The following ADCY2 variants were observed in gnomAD, a reference collection of about 807,000 sequenced individuals.
ADCY2 encodes adenylate cyclase 2, also known as adenylate cyclase type 2.
In ADCY2, 31 loss-of-function variants were observed where a neutral mutation model predicts 125.2. That is an observed-to-expected ratio of 0.25 (90% CI 0.19 to 0.33). The LOEUF is 0.33. Among genes scored for constraint, ADCY2 ranks in the 10% least tolerant of loss-of-function variants. The pLI is 1.00. For missense variants in ADCY2, 904 were observed against 1,418.2 expected (o/e 0.64, Z 5.82); for synonymous variants, 512 against 548.4 (o/e 0.93, Z 0.93).
intron 3 of ADCY2, among the ~76,000 whole-genome samples, chr5:7,541,243 C>G (rs910577209): frequency 1.3e-5 from 2 of 152,158 alleles, no homozygotes; most frequent in Non-Finnish European, 2.9e-5. Context: ...TTTTCATGGT[C>G]TGCCCAAAGC....
chr5:7,422,693 C>T (rs1740248412), intron 2 of ADCY2, among the ~76,000 whole-genome samples: 1 of 152,216 alleles, frequency 6.6e-6, no homozygotes, highest in Non-Finnish European at 1.5e-5. Context: ...TAACATTTTT[C>T]TCTAGGAAGG....
intron 2 of ADCY2, among the ~76,000 whole-genome samples, chr5:7,427,337 G>A (rs1178666877): frequency 2.0e-5 from 3 of 152,206 alleles, no homozygotes; most frequent in East Asian, 1.9e-4. Context: ...AAGGAAACAG[G>A]TTTAATTGAC....
At position 7,656,746 on chromosome 5, in the gene ADCY2, T is replaced by C. The variant is rs1344898310; in HGVS notation, c.720+30430T>C. ...CACTGTGACTCAGGCAGATGTGCGATTGTAATCCCTCTGAAGGGGGATGAG... is the reference window on the plus strand; with the variant it reads ...CACTGTGACTCAGGCAGATGTGCGACTGTAATCCCTCTGAAGGGGGATGAG... On this transcript the variant is annotated intron_variant, in intron 4 of 24. Transcript: ENST00000338316. 2.0e-5 allele frequency among the ~76,000 whole-genome samples: 3 copies of C among 152,292 alleles called. No individual in the cohort carries two copies. In the East Asian group the frequency reaches 5.8e-4, roughly 29 times the overall value.
chr5:7,491,185 T>G (rs1451399713), intron 2 of ADCY2, among the ~76,000 whole-genome samples: 1 of 152,238 alleles, frequency 6.6e-6, no homozygotes, highest in Non-Finnish European at 1.5e-5. Context: ...TTTAATAACT[T>G]GAATTCTATG....
At chr5:7,791,548 G>C (rs1248529346) in intron 20 of ADCY2, among the ~76,000 whole-genome samples, 1 of 152,110 alleles carries the variant, frequency 6.6e-6, no homozygotes, top group Non-Finnish European at 1.5e-5. Flanking sequence ...TACACAACAA[G>C]TCTCATGGCC....
intron 2 of ADCY2, among the ~76,000 whole-genome samples, chr5:7,494,961 A>T (rs531296690): frequency 5.8e-4 from 88 of 152,346 alleles, no homozygotes; most frequent in African/African-American, 2.0e-3. Flanking sequence ...TGGATGTGCC[A>T]GTGGCTGCAC....
At chr5:7,527,376 G>T (rs1437382240) in intron 3 of ADCY2, among the ~76,000 whole-genome samples, 1 of 152,182 alleles carries the variant, frequency 6.6e-6, no homozygotes, top group Non-Finnish European at 1.5e-5. Flanking sequence ...ATAATAATGA[G>T]CCAACCTCAA....
Position 7,826,976 on chromosome 5 carries a change from C to T in ADCY2, c.*105C>T. ...GTTTTTGATGTGCGTGCTGTCTGTC[C>T]TATGGAGCCTCTGCAGACTCGTTCT... is the stretch of plus-strand genomic sequence containing the variant. On this transcript the variant is annotated 3_prime_UTR_variant, in exon 25 of 25. Transcript: ENST00000338316. 3 of 1,376,594 alleles carry T rather than the reference C, an allele frequency of 2.2e-6. No individual in the cohort carries two copies. The highest frequency in any genetic ancestry group is 3.0e-6 in the Non-Finnish European group (3 of 1,014,034). The allele number at this position is 1,376,594 out of a possible 1,614,324, so 85.3% of individuals were successfully genotyped here.
chr5:7,770,594 A>G (rs1743525227), intron 17 of ADCY2, among the ~76,000 whole-genome samples: 1 of 152,134 alleles, frequency 6.6e-6, no homozygotes, highest in African/African-American at 2.4e-5. Flanking sequence ...ATTCTCCAAG[A>G]TGGGTGTTAT....
At chr5:7,785,980 A>C (rs1014391260) in intron 19 of ADCY2, among the ~76,000 whole-genome samples, 1 of 152,222 alleles carries the variant, frequency 6.6e-6, no homozygotes, top group Non-Finnish European at 1.5e-5. Flanking sequence ...AGTGTTCAAT[A>C]TTATGATTGA....
intron 5 of ADCY2, 106 bp from the exon 6 acceptor site, chr5:7,695,646 A>G (rs1002972736): frequency 5.3e-6 from 3 of 564,650 alleles, no homozygotes; most frequent in African/African-American, 3.9e-5. Flanking sequence ...ATGAAAATAT[A>G]AAGTATAAGC....
At chr5:7,438,006 A>C (rs892276878) in intron 2 of ADCY2, among the ~76,000 whole-genome samples, 11 of 152,208 alleles carry the variant, frequency 7.2e-5, no homozygotes, top group African/African-American at 9.7e-5. Context: ...CATCTTGATA[A>C]GAAAAGAAAA....
chr5:7,764,236 GT>G (rs1356240964), intron 16 of ADCY2, among the ~76,000 whole-genome samples: 1 of 152,170 alleles, frequency 6.6e-6, no homozygotes, highest in South Asian at 2.1e-4. Context: ...CATACGTAGT[GT>G]TTTTTCCATC....
intron 14 of ADCY2, among the ~76,000 whole-genome samples, chr5:7,742,937 A>G (rs1742478991): frequency 6.6e-6 from 1 of 152,106 alleles, no homozygotes; most frequent in South Asian, 2.1e-4. Flanking sequence ...AGTCCTTTTT[A>G]TACCTCTGAA....
intron 2 of ADCY2, among the ~76,000 whole-genome samples, chr5:7,496,636 C>A (rs1184011237): frequency 1.3e-5 from 2 of 152,026 alleles, no homozygotes; most frequent in Non-Finnish European, 2.9e-5. Context: ...TATTATTTTA[C>A]AATAGTTGAC....
chr5:7,538,865 C>CTTTTT (rs373296689), intron 3 of ADCY2, among the ~76,000 whole-genome samples: 54 of 85,084 alleles, frequency 6.3e-4, no homozygotes, highest in African/African-American at 1.5e-3. Flanking sequence ...CTTTTCTTTT[C>CTTTTT]TTTTTTTTTT....
chr5:7,724,939 A>T (rs1038421310), intron 13 of ADCY2, among the ~76,000 whole-genome samples: 3 of 152,162 alleles, frequency 2.0e-5, no homozygotes, highest in Non-Finnish European at 4.4e-5. Context: ...AAAAGTCTTA[A>T]AAAAAACAGA....
At chr5:7,674,370 C>T (rs566320983) in intron 4 of ADCY2, among the ~76,000 whole-genome samples, 154 of 152,126 alleles carry the variant, frequency 1.0e-3, no homozygotes, top group African/African-American at 3.4e-3. Context: ...AGTATTGGTG[C>T]GGGGAGGGCG....
intron 11 of ADCY2, among the ~76,000 whole-genome samples, chr5:7,714,985 G>A (rs1040155908): frequency 7.2e-5 from 11 of 152,210 alleles, no homozygotes; most frequent in African/African-American, 2.7e-4. Context: ...TCCTAGAGCA[G>A]TGGGAAGGCC....
Sources: allele counts gnomAD v4.1 joint callset (sites outside exome capture counted in the v4.1 genomes callset), GRCh38; gene constraint gnomAD v4.1.1; transcripts MANE v1.5; gene names NCBI Gene and HGNC (gene_info 2026-07-23, HGNC 2026-07-21).